Variants in PTPRD observed in about 807,000 individuals in gnomAD.
The protein encoded by PTPRD is protein tyrosine phosphatase receptor type D, also known as receptor-type tyrosine-protein phosphatase delta.
Under a neutral mutation model 214.5 loss-of-function variants are expected in PTPRD, and 34 were observed. That is an observed-to-expected ratio of 0.16 (90% CI 0.12 to 0.21). The LOEUF (loss-of-function observed/expected upper bound fraction) is 0.21. PTPRD is among the 10% of genes least tolerant of loss of function. The pLI is 1.00. For synonymous variants in PTPRD, 1,128 were observed against 845.7 expected (o/e 1.33, Z -5.79); for missense variants, 2,545 against 2,398.7 (o/e 1.06, Z -1.27).
At chr9:8,782,849 C>A (rs994110689) in intron 11 of PTPRD, among the ~76,000 whole-genome samples, 3 of 152,016 alleles carry the variant, frequency 2.0e-5, no homozygotes, top group South Asian at 4.2e-4. Flanking sequence ...CCTCCTTGGC[C>A]CCCCGCAAAG....
At chr9:10,376,274 T>C (rs1431496261) in intron 2 of PTPRD, among the ~76,000 whole-genome samples, 2 of 151,874 alleles carry the variant, frequency 1.3e-5, no homozygotes, top group Non-Finnish European at 2.9e-5. Context: ...TGCATTACCT[T>C]GGAAACTTTG....
At chr9:10,448,843 A>G (rs1257962705) in intron 2 of PTPRD, among the ~76,000 whole-genome samples, 1 of 151,980 alleles carries the variant, frequency 6.6e-6, no homozygotes, top group African/African-American at 2.4e-5. Context: ...CTCCAAATAG[A>G]GAAGGGATCC....
intron 7 of PTPRD, among the ~76,000 whole-genome samples, chr9:9,611,029 CTTAATT>C (rs2094485220): frequency 1.3e-5 from 2 of 152,232 alleles, no homozygotes; most frequent in South Asian, 4.1e-4. Flanking sequence ...CTATTGTACC[CTTAATT>C]TTGTGTGTAA....
chr9:10,533,691 C>T (rs900769143), intron 2 of PTPRD, among the ~76,000 whole-genome samples: 3 of 151,752 alleles, frequency 2.0e-5, no homozygotes, highest in African/African-American at 7.3e-5. Context: ...TTAATATGCA[C>T]CCAATTATAT....
intron 2 of PTPRD, among the ~76,000 whole-genome samples, chr9:10,398,342 C>T (rs1297112766): frequency 6.6e-6 from 1 of 151,866 alleles, no homozygotes; most frequent in Non-Finnish European, 1.5e-5. Context: ...GATTGTGCCA[C>T]TGCACTCCAG....
chr9:9,551,174 A>G (rs988282733), intron 8 of PTPRD, among the ~76,000 whole-genome samples: 2 of 151,946 alleles, frequency 1.3e-5, no homozygotes, highest in African/African-American at 2.4e-5. Flanking sequence ...CTGGGGTAGT[A>G]TGGAGGGGCT....
intron 9 of PTPRD, among the ~76,000 whole-genome samples, chr9:9,352,325 A>ATG (rs200786174): frequency 0.087 from 12,322 of 142,368 alleles, 849 homozygotes; most frequent in East Asian, 0.42. Context: ...ATATATATAT[A>ATG]TATGTGTGTG....
At chr9:9,754,344 A>T (rs1010898798) in intron 6 of PTPRD, among the ~76,000 whole-genome samples, 2 of 152,048 alleles carry the variant, frequency 1.3e-5, no homozygotes, top group African/African-American at 2.4e-5. Flanking sequence ...TACTGGAAGA[A>T]ATAAATGCAA....
At chr9:10,070,101 G>A (rs992172908) in intron 3 of PTPRD, among the ~76,000 whole-genome samples, 2 of 152,054 alleles carry the variant, frequency 1.3e-5, no homozygotes, top group African/African-American at 4.8e-5. Context: ...CCCTTGCTCA[G>A]TAGAAGTGGA....
At chr9:9,988,571 C>A (rs567899522) in intron 4 of PTPRD, among the ~76,000 whole-genome samples, 1 of 152,114 alleles carries the variant, frequency 6.6e-6, no homozygotes, top group East Asian at 1.9e-4. Context: ...AATCTGTCAA[C>A]CATAAATGTA....
chr9:10,601,028 T>C (rs940496443), intron 2 of PTPRD, among the ~76,000 whole-genome samples: 4 of 151,754 alleles, frequency 2.6e-5, no homozygotes, highest in Admixed American at 6.6e-5. Context: ...CAGGGGAAAA[T>C]AGCAAGAAAT....
intron 8 of PTPRD, among the ~76,000 whole-genome samples, chr9:9,426,095 G>C (rs2080801551): frequency 6.6e-6 from 1 of 152,090 alleles, no homozygotes; most frequent in South Asian, 2.1e-4. Flanking sequence ...ACTGTGAGCT[G>C]AAGCAGGGTG....
At chr9:8,774,780 C>A (rs192598249) in intron 11 of PTPRD, among the ~76,000 whole-genome samples, 1 of 151,958 alleles carries the variant, frequency 6.6e-6, no homozygotes, top group African/African-American at 2.4e-5. Flanking sequence ...GTGATCCCCC[C>A]GCCTCGGCCT....
intron 8 of PTPRD, among the ~76,000 whole-genome samples, chr9:9,500,070 C>T (rs1406547089): frequency 1.3e-5 from 2 of 152,194 alleles, no homozygotes; most frequent in East Asian, 1.9e-4. Context: ...TTTGAATGGG[C>T]TGTAAAAAAC....
At chr9:8,512,309 C>A (rs1297107573) in intron 21 of PTPRD, among the ~76,000 whole-genome samples, 1 of 152,026 alleles carries the variant, frequency 6.6e-6, no homozygotes. Context: ...ACACAAGCAT[C>A]AGCACAAATC....
At chr9:9,546,573 C>T (rs1424123341) in intron 8 of PTPRD, among the ~76,000 whole-genome samples, 1 of 151,750 alleles carries the variant, frequency 6.6e-6, no homozygotes, top group Non-Finnish European at 1.5e-5. Flanking sequence ...ATTCCACCGA[C>T]AATTACTACT....
At chr9:8,947,032 T>G (rs1318925620) in intron 11 of PTPRD, among the ~76,000 whole-genome samples, 1 of 148,380 alleles carries the variant, frequency 6.7e-6, no homozygotes, top group Non-Finnish European at 1.5e-5. Context: ...TTCTTTTCTT[T>G]TTTTTTTTTT....
At chr9:9,270,846 A>G (rs900570249) in intron 9 of PTPRD, among the ~76,000 whole-genome samples, 1 of 151,378 alleles carries the variant, frequency 6.6e-6, no homozygotes, top group Admixed American at 6.6e-5. Flanking sequence ...TTTTAAGGGT[A>G]GAACCAATAG....
At chr9:8,726,022 G>GACACACACACACACAC (rs772550242) in intron 12 of PTPRD, among the ~76,000 whole-genome samples, 18 of 140,038 alleles carry the variant, frequency 1.3e-4, no homozygotes, top group African/African-American at 5.0e-4. Flanking sequence ...CAGACAGACA[G>GACACACACACACACAC]ACAGACACAC....
Sources: gnomAD v4.1 joint callset for allele counts (sites outside exome capture counted in the v4.1 genomes callset) on GRCh38, gnomAD v4.1.1 for gene constraint, MANE v1.5 for transcripts, NCBI Gene and HGNC (gene_info 2026-07-23, HGNC 2026-07-21) for gene names.